NLK: variants seen among roughly 807,000 people sequenced by gnomAD.
The protein encoded by NLK is serine/threonine-protein kinase NLK.
Under a neutral mutation model 59.0 loss-of-function variants are expected in NLK, and 11 were observed. That is an observed-to-expected ratio of 0.19 (90% confidence interval 0.12 to 0.31). NLK has a LOEUF of 0.31. Among genes scored for constraint, NLK ranks in the 10% least tolerant of loss-of-function variants. The pLI is 1.00. For synonymous variants in NLK, 235 were observed against 235.9 expected (o/e 1.00, Z 0.03); for missense variants, 410 against 661.1 (o/e 0.62, Z 4.16).
At chr17:28,152,759 G>A (rs1167428783) in intron 3 of NLK, among the ~76,000 whole-genome samples, 6 of 151,982 alleles carry the variant, frequency 3.9e-5, no homozygotes, top group Non-Finnish European at 7.4e-5. Flanking sequence ...TAGTAGCCGG[G>A]ACTACAGGTG....
At chr17:28,179,824 G>A (rs2142064118) in intron 7 of NLK, among the ~76,000 whole-genome samples, 1 of 149,538 alleles carries the variant, frequency 6.7e-6, no homozygotes, top group South Asian at 2.2e-4. Context: ...ATGATTACAG[G>A]CATGAGCCAC....
intron 2 of NLK, among the ~76,000 whole-genome samples, chr17:28,129,310 G>A (rs567391907): frequency 1.7e-4 from 26 of 152,156 alleles, no homozygotes; most frequent in Admixed American, 9.8e-4. Flanking sequence ...AAAGTTAGCC[G>A]GGCATGGTGG....
chr17:28,054,483 G>A (rs988251584), intron 1 of NLK, among the ~76,000 whole-genome samples: 14 of 152,166 alleles, frequency 9.2e-5, no homozygotes, highest in Non-Finnish European at 1.6e-4. Context: ...AAATAATGTC[G>A]ACCAACAAAG....
intron 3 of NLK, among the ~76,000 whole-genome samples, chr17:28,133,583 T>A (rs1906610626): frequency 6.6e-6 from 1 of 152,088 alleles, no homozygotes; most frequent in Non-Finnish European, 1.5e-5. Context: ...ATGAAAAAAA[T>A]TGAGACATAA....
At chr17:28,050,659 T>C (rs1270576931) in intron 1 of NLK, among the ~76,000 whole-genome samples, 1 of 152,102 alleles carries the variant, frequency 6.6e-6, no homozygotes, top group Admixed American at 6.5e-5. Context: ...CTGAGATCTG[T>C]CTGAGTCTTA....
chr17:28,115,032 G>C (rs558470976), intron 1 of NLK, among the ~76,000 whole-genome samples: 5 of 152,344 alleles, frequency 3.3e-5, no homozygotes, highest in African/African-American at 1.2e-4. Context: ...CATGATGTCT[G>C]AGGAGAGGAT....
At chr17:28,080,645 A>G (rs747227032) in intron 1 of NLK, among the ~76,000 whole-genome samples, 37 of 152,210 alleles carry the variant, frequency 2.4e-4, no homozygotes, top group Non-Finnish European at 4.9e-4. Flanking sequence ...TATCGCGTGT[A>G]GCATTTGGAG....
chr17:28,082,080 G>T (rs1910365678), intron 1 of NLK, among the ~76,000 whole-genome samples: 1 of 152,156 alleles, frequency 6.6e-6, no homozygotes, highest in South Asian at 2.1e-4. Flanking sequence ...TTTTAGTAGA[G>T]ATGGGGTTTT....
chr17:28,116,002 TA>T (rs1905751663), intron 1 of NLK, among the ~76,000 whole-genome samples: 1 of 152,166 alleles, frequency 6.6e-6, no homozygotes, highest in Non-Finnish European at 1.5e-5. Context: ...AACTATTTTT[TA>T]TTGTTGTTGC....
intron 6 of NLK, among the ~76,000 whole-genome samples, chr17:28,170,804 G>T (rs1254447111): frequency 6.6e-6 from 1 of 152,192 alleles, no homozygotes; most frequent in Non-Finnish European, 1.5e-5. Flanking sequence ...GAAGCAACTG[G>T]ACTGGAGTTC....
chr17:28,076,265 A>G (rs1046233515), intron 1 of NLK, among the ~76,000 whole-genome samples: 1 of 152,194 alleles, frequency 6.6e-6, no homozygotes, highest in Non-Finnish European at 1.5e-5. Context: ...ATTTCTCACA[A>G]TTCTGGAGAC....
At chr17:28,178,292 A>G (rs1475986773) in intron 7 of NLK, among the ~76,000 whole-genome samples, 1 of 152,180 alleles carries the variant, frequency 6.6e-6, no homozygotes, top group Non-Finnish European at 1.5e-5. Flanking sequence ...GGCCTGGGTC[A>G]GGTGCCCATC....
the NLK span, among the ~76,000 whole-genome samples, chr17:28,203,817 A>G: frequency 1.3e-5 from 2 of 152,204 alleles, no homozygotes; most frequent in African/African-American, 4.8e-5. Context: ...GATTACAGGC[A>G]TGAGCCACTG....
chr17:28,045,831 T>C (rs1359404392), intron 1 of NLK, among the ~76,000 whole-genome samples: 1 of 152,232 alleles, frequency 6.6e-6, no homozygotes, highest in Non-Finnish European at 1.5e-5. Flanking sequence ...ACAGAATGTA[T>C]CTTTTTAATT....
chr17:28,167,303 A>G (rs749703940), intron 5 of NLK, among the ~76,000 whole-genome samples: 1 of 152,048 alleles, frequency 6.6e-6, no homozygotes, highest in Non-Finnish European at 1.5e-5. Flanking sequence ...GTGGCACAGT[A>G]ATAGCTCACT....
intron 8 of NLK, among the ~76,000 whole-genome samples, chr17:28,186,131 C>A (rs536246914): frequency 6.6e-6 from 1 of 152,072 alleles, no homozygotes; most frequent in Non-Finnish European, 1.5e-5. Context: ...TCACCAAATA[C>A]GAAAAATACC....
At chr17:28,050,023 A>G (rs1254039663) in intron 1 of NLK, among the ~76,000 whole-genome samples, 1 of 152,168 alleles carries the variant, frequency 6.6e-6, no homozygotes, top group South Asian at 2.1e-4. Flanking sequence ...ACAATATTCA[A>G]TTATTGTATG....
chr17:28,196,303 G>A lies in NLK; in HGVS notation c.*1667G>A, dbSNP rs200799088. Reference sequence around the variant, plus strand: ...CAATCTCAGAGGTTGGTCAATTACCGTGGCACACTTTCTGGTCACTTTGTA... The same window carrying A: ...CAATCTCAGAGGTTGGTCAATTACCATGGCACACTTTCTGGTCACTTTGTA... On this transcript the variant is annotated 3_prime_UTR_variant, in exon 11 of 11. Coordinates refer to ENST00000407008, the MANE Select transcript of NLK (RefSeq NM_016231.5). The A allele has an allele frequency of 3.3e-5, 5 of 152,586 alleles. No individual in the cohort carries two copies. The highest frequency in any genetic ancestry group is 4.8e-5 in the African/African-American group (2 of 41,434). The allele number at this position is 152,586 out of a possible 1,614,324, so 9.5% of individuals were successfully genotyped here.
chr17:28,044,148 T>C (rs1050449114), intron 1 of NLK, among the ~76,000 whole-genome samples: 3 of 152,244 alleles, frequency 2.0e-5, no homozygotes, highest in African/African-American at 7.2e-5. Context: ...TTCTTAAATA[T>C]AACATTTTGG....
Sources: allele counts gnomAD v4.1 joint callset (sites outside exome capture counted in the v4.1 genomes callset), GRCh38; gene constraint gnomAD v4.1.1; transcripts MANE v1.5; gene names NCBI Gene and HGNC (gene_info 2026-07-23, HGNC 2026-07-21).